LOXHD1: variants seen among roughly 807,000 people sequenced by gnomAD.
LOXHD1 encodes the protein lipoxygenase homology PLAT domains 1, also known as lipoxygenase homology domain-containing protein 1.
A neutral mutation model predicts 248.2 loss-of-function variants in LOXHD1; 205 were observed. That is an observed-to-expected ratio of 0.83 (90% CI 0.74 to 0.93). The LOEUF (loss-of-function observed/expected upper bound fraction) is 0.93. Among genes scored for constraint, LOXHD1 ranks in the 40% least tolerant of loss-of-function variants. The pLI, the probability that LOXHD1 is intolerant of heterozygous loss-of-function variation, is 0.00. For synonymous variants in LOXHD1, 1,113 were observed against 1,162.8 expected (o/e 0.96, Z 0.87); for missense variants, 2,930 against 2,971.6 (o/e 0.99, Z 0.33).
chr18:46,537,359 G>C (rs2036356542), intron 26 of LOXHD1, among the ~76,000 whole-genome samples: 1 of 152,186 alleles, frequency 6.6e-6, no homozygotes, highest in African/African-American at 2.4e-5. Context: ...ATAGCACAGA[G>C]TTTTTATGAT....
chr18:46,640,523 A>T lies in LOXHD1; in HGVS notation c.327-723T>A, dbSNP rs138610870. On this transcript the variant is annotated intron_variant, in intron 3 of 40. Coordinates refer to ENST00000642948, the MANE Select transcript of LOXHD1 (RefSeq NM_001384474.1). ...AATTTAAAAGTTTCCTAATAGCCAC[A>T]TGTAAAAAGATCCAAAGAAACTGGT... Among the ~76,000 whole-genome samples the T allele has an allele frequency of 8.8e-3, 1,338 of 152,332 alleles. 13 individuals are homozygous for T. Among genetic ancestry groups the T allele is most frequent in the Non-Finnish European group, 0.013 (861 of 68,024 alleles).
intron 5 of LOXHD1, among the ~76,000 whole-genome samples, chr18:46,612,896 T>C (rs1189950922): frequency 6.6e-6 from 1 of 152,176 alleles, no homozygotes; most frequent in Non-Finnish European, 1.5e-5. Flanking sequence ...GCCAACTCTA[T>C]GTGTGCTTCT....
intron 12 of LOXHD1, among the ~76,000 whole-genome samples, chr18:46,584,841 C>A (rs1116491): frequency 6.6e-6 from 1 of 151,910 alleles, no homozygotes; most frequent in Non-Finnish European, 1.5e-5. Context: ...AAGAATCCAG[C>A]GACATATCAA....
At chr18:46,480,748 T>A (rs1162675332) in intron 40 of LOXHD1, among the ~76,000 whole-genome samples, 1 of 152,170 alleles carries the variant, frequency 6.6e-6, no homozygotes. Flanking sequence ...GTGAACATTG[T>A]GTATTAGAAA....
chr18:46,608,024 G>A (rs952128292), intron 6 of LOXHD1, among the ~76,000 whole-genome samples: 1 of 144,478 alleles, frequency 6.9e-6, no homozygotes, highest in Non-Finnish European at 1.5e-5. Flanking sequence ...AAACAAACAC[G>A]GAAGGAAGGA....
At chr18:46,546,400 C>T (rs903137363) in intron 22 of LOXHD1, among the ~76,000 whole-genome samples, 2 of 149,494 alleles carry the variant, frequency 1.3e-5, no homozygotes, top group East Asian at 4.0e-4. Flanking sequence ...ATCCACTCCA[C>T]TCCATTCTAC....
chr18:46,560,061 CCA>C lies in LOXHD1; in HGVS notation c.3061+20_3061+21del. 1 of 1,426,790 alleles carries C rather than the reference CCA, an allele frequency of 7.0e-7. No homozygotes were observed. The highest frequency in any genetic ancestry group is 9.5e-7 in the Non-Finnish European group (1 of 1,057,958). 88.4% of individuals were successfully genotyped at this position (1,426,790 alleles called of 1,614,324 possible). ...CTGTCTGGCCACTCCCTCCCCACCCCCACCCCCCACGACCCACTTACGCTCAG... is the reference window on the plus strand; with the variant it reads ...CTGTCTGGCCACTCCCTCCCCACCCCCCCCCCACGACCCACTTACGCTCAG... On this transcript the variant is annotated intron_variant, in intron 19 of 40. Transcript: ENST00000642948.
chr18:46,600,899 T>A (rs1247719407), intron 8 of LOXHD1, among the ~76,000 whole-genome samples: 1 of 152,226 alleles, frequency 6.6e-6, no homozygotes, highest in Non-Finnish European at 1.5e-5. Flanking sequence ...TACTTTAAAA[T>A]ACTTATTGAT....
rs2037477505 is a variant in LOXHD1 at position 46,559,977 on chromosome 18, T to C, written c.3061+106A>G. On this transcript the variant is annotated intron_variant, in intron 19 of 40. Coordinates refer to ENST00000642948, the MANE Select transcript of LOXHD1 (RefSeq NM_001384474.1). ...GAACCATGATGGGTGCCCACCTATT[T>C]GGCCTCCACGTGAGGGGGATCTAGG... is the stretch of plus-strand genomic sequence containing the variant. The C allele has an allele frequency of 9.9e-6, 12 of 1,218,120 alleles. No individual in the cohort carries two copies. The South Asian group carries it at 1.8e-4, about 18-fold the overall frequency. 75.5% of individuals were successfully genotyped at this position (1,218,120 alleles called of 1,614,324 possible). A position where few individuals can be genotyped will look rare whatever the true frequency, so the allele number is the denominator to read the frequency against.
chr18:46,544,656 A>G (rs2036717147), intron 23 of LOXHD1, among the ~76,000 whole-genome samples: 2 of 152,230 alleles, frequency 1.3e-5, no homozygotes, highest in African/African-American at 4.8e-5. Context: ...TAAGGCACAG[A>G]GGGGTTAAGC....
chr18:46,612,725 TTTTTTA>T (rs1244090359), intron 5 of LOXHD1, among the ~76,000 whole-genome samples: 3 of 152,140 alleles, frequency 2.0e-5, no homozygotes, highest in African/African-American at 4.8e-5. Flanking sequence ...CTTCTAAAAA[TTTTTTA>T]TTTTTGTTTT....
intron 6 of LOXHD1, among the ~76,000 whole-genome samples, chr18:46,608,743 G>C (rs1423782656): frequency 6.6e-6 from 1 of 152,186 alleles, no homozygotes; most frequent in Non-Finnish European, 1.5e-5. Context: ...CTGCTCTTAG[G>C]ACCAGGCAAG....
At chr18:46,553,260 G>A (rs11660225) in intron 21 of LOXHD1, among the ~76,000 whole-genome samples, 1 of 152,168 alleles carries the variant, frequency 6.6e-6, no homozygotes, top group African/African-American at 2.4e-5. Flanking sequence ...GATCAGGAAG[G>A]GTGCTGGGCG....
chr18:46,642,630 T>A (rs16939869), intron 2 of LOXHD1, among the ~76,000 whole-genome samples: 16,777 of 152,122 alleles, frequency 0.11, 1,006 homozygotes, highest in Middle Eastern at 0.18. Context: ...ATCCTGCAAA[T>A]GGTGTGAACA....
At chr18:46,567,895 C>T (rs1599012566) in intron 16 of LOXHD1, among the ~76,000 whole-genome samples, 1 of 152,274 alleles carries the variant, frequency 6.6e-6, no homozygotes, top group Non-Finnish European at 1.5e-5. Context: ...GTTTCGGAAA[C>T]TCAGGAAGAA....
intron 12 of LOXHD1, among the ~76,000 whole-genome samples, chr18:46,589,987 G>T (rs1251176703): frequency 6.6e-6 from 1 of 152,116 alleles, no homozygotes; most frequent in Non-Finnish European, 1.5e-5. Context: ...GCAATCTACA[G>T]GTTGCTTTAA....
rs1407749247 is a variant in LOXHD1 at position 46,594,407 on chromosome 18, C to T, written c.1194G>A (p.Leu398=). Residue 398 remains leucine, a synonymous_variant, in exon 9 of 41, where the codon CTG becomes CTA. Coordinates refer to ENST00000642948, the MANE Select transcript of LOXHD1 (RefSeq NM_001384474.1). ...TCAACCCATCCGCTTTCTTCTCATC[C>T]AGCCAGTTGCTACAAGGGAAGGTCT... is the stretch of plus-strand genomic sequence containing the variant. ...IQQTFPCSNW[L]DEKKADGLIE... 6.4e-7 allele frequency: 1 copy of T among 1,551,680 alleles called. No homozygotes were observed. The highest frequency in any genetic ancestry group is 1.2e-5 in the South Asian group (1 of 84,060).
At chr18:46,649,003 A>G (rs2039071995) in intron 2 of LOXHD1, among the ~76,000 whole-genome samples, 152 bp downstream of exon 2, 2 of 152,212 alleles carry the variant, frequency 1.3e-5, no homozygotes, top group Non-Finnish European at 2.9e-5. Context: ...CCCAGCTGGT[A>G]CACGGTCTGT....
At chr18:46,592,758 C>G (rs1228825832) in intron 10 of LOXHD1, among the ~76,000 whole-genome samples, 174 bp from the exon 11 acceptor site, 1 of 152,154 alleles carries the variant, frequency 6.6e-6, no homozygotes, top group Non-Finnish European at 1.5e-5. Flanking sequence ...ACCCTTGTAA[C>G]CAGGAGCACG....
Sources: allele counts gnomAD v4.1 joint callset (sites outside exome capture counted in the v4.1 genomes callset), GRCh38; gene constraint gnomAD v4.1.1; transcripts MANE v1.5; gene names NCBI Gene and HGNC (gene_info 2026-07-23, HGNC 2026-07-21).